SWAP70: variants seen among roughly 807,000 people sequenced by gnomAD.
The protein encoded by SWAP70 is switch-associated protein 70.
SWAP70 carries 34 observed loss-of-function variants against 80.2 expected under a neutral mutation model. The ratio of observed to expected loss-of-function variants is 0.42; its 90% CI spans 0.32 to 0.56. The LOEUF (loss-of-function observed/expected upper bound fraction) is 0.56. SWAP70 is among the 20% of genes least tolerant of loss of function. The pLI, the probability that SWAP70 is intolerant of heterozygous loss-of-function variation, is 0.09. For missense variants in SWAP70, 578 were observed against 690.7 expected (o/e 0.84, Z 1.83); for synonymous variants, 239 against 238.5 (o/e 1.00, Z -0.02).
chr11:9,670,625 A>G (rs1387802567), intron 1 of SWAP70, among the ~76,000 whole-genome samples: 1 of 152,146 alleles, frequency 6.6e-6, no homozygotes, highest in Non-Finnish European at 1.5e-5. Context: ...GAGGAACAAG[A>G]AAAGCAGAGG....
intron 2 of SWAP70, among the ~76,000 whole-genome samples, chr11:9,708,221 G>A (rs115796826): frequency 0.014 from 2,194 of 152,286 alleles, 50 homozygotes; most frequent in African/African-American, 0.05. Flanking sequence ...CTTCCACACT[G>A]TTTTCCATAG....
intron 7 of SWAP70, among the ~76,000 whole-genome samples, chr11:9,736,334 T>G (rs2133813231): frequency 6.6e-6 from 1 of 152,116 alleles, no homozygotes; most frequent in East Asian, 1.9e-4. Flanking sequence ...CTTCATATGC[T>G]AAATCCACCA....
At chr11:9,712,035 T>C (rs2134473681) in intron 2 of SWAP70, among the ~76,000 whole-genome samples, 1 of 152,298 alleles carries the variant, frequency 6.6e-6, no homozygotes, top group Non-Finnish European at 1.5e-5. Context: ...TCTGTTTGAC[T>C]CTTGATGCTG....
At chr11:9,728,285 C>G in intron 5 of SWAP70, 86 bp downstream of exon 5, 1 of 1,276,082 alleles carries the variant, frequency 7.8e-7, no homozygotes, top group Non-Finnish European at 1.0e-6. Context: ...CACCTAGACT[C>G]TAGAACCTTA....
At chr11:9,685,875 A>G (rs976270022) in intron 1 of SWAP70, among the ~76,000 whole-genome samples, 2 of 151,682 alleles carry the variant, frequency 1.3e-5, no homozygotes, top group Non-Finnish European at 2.9e-5. Flanking sequence ...CTCGTGATCT[A>G]CCTTCCTTGG....
intron 5 of SWAP70, 32 bp downstream of exon 5, chr11:9,728,231 C>T (rs1851251801): frequency 6.5e-7 from 1 of 1,540,046 alleles, no homozygotes; most frequent in Non-Finnish European, 8.7e-7. Flanking sequence ...TGCATGATTA[C>T]CCCGTGCTGC....
At chr11:9,735,704 G>A (rs1851354858) in intron 7 of SWAP70, among the ~76,000 whole-genome samples, 3 of 152,218 alleles carry the variant, frequency 2.0e-5, no homozygotes, top group Admixed American at 2.0e-4. Flanking sequence ...ATATCTTGGT[G>A]AGAACTAGTC....
At chr11:9,715,943 C>G (rs1011455286) in intron 3 of SWAP70, among the ~76,000 whole-genome samples, 1 of 152,162 alleles carries the variant, frequency 6.6e-6, no homozygotes, top group Admixed American at 6.5e-5. Flanking sequence ...TTGGCATGGC[C>G]TAGGTCAGGC....
At chr11:9,704,561 A>G (rs1362314850) in intron 2 of SWAP70, among the ~76,000 whole-genome samples, 1 of 151,646 alleles carries the variant, frequency 6.6e-6, no homozygotes, top group Non-Finnish European at 1.5e-5. Context: ...CGCCTGGGTA[A>G]TTTGTATTTT....
chr11:9,740,398 TAC>T (rs1851420656), intron 9 of SWAP70, 51 bp downstream of exon 9: 1 of 1,582,396 alleles, frequency 6.3e-7, no homozygotes, highest in Non-Finnish European at 8.7e-7. Flanking sequence ...CCTGGGCTAA[TAC>T]AGTTTCTTGG....
At chr11:9,678,966 C>G (rs1565113053) in intron 1 of SWAP70, among the ~76,000 whole-genome samples, 1 of 152,132 alleles carries the variant, frequency 6.6e-6, no homozygotes, top group Non-Finnish European at 1.5e-5. Flanking sequence ...TCCTGCTCTA[C>G]TTTCTGCTTC....
intron 2 of SWAP70, among the ~76,000 whole-genome samples, chr11:9,712,586 G>A (rs1289245605): frequency 6.6e-6 from 1 of 152,088 alleles, no homozygotes; most frequent in East Asian, 1.9e-4. Flanking sequence ...AATAGGCCAG[G>A]CACAGTGGCT....
At position 9,732,597 on chromosome 11, in the gene SWAP70, C is replaced by T. The variant is rs1430912409; in HGVS notation, c.967C>T (p.Arg323Trp). The change falls in exon 7 of 12, where the codon CGG becomes TGG. Residue 323 changes from arginine to tryptophan, a missense_variant. By Grantham distance (101) the Arg-to-Trp change is moderately radical. Transcript: ENST00000318950. ...PPPHKEARQR[R>W]KELRKKQLAE... ...ACCACACAAAGAAGCCCGCCAGCGT[C>T]GGAAAGAACTCCGGAAGAAGCAGCT... The T allele has an allele frequency of 9.4e-6, 15 of 1,602,100 alleles. No individual in the cohort carries two copies. The highest frequency in any genetic ancestry group is 5.1e-5 in the Admixed American group (3 of 58,988).
intron 1 of SWAP70, among the ~76,000 whole-genome samples, chr11:9,671,552 A>ATATATAAATATATT (rs1565109504): frequency 1.5e-5 from 1 of 65,128 alleles, no homozygotes; most frequent in Non-Finnish European, 3.1e-5. Context: ...ATATATAGAA[A>ATATATAAATATATT]TATATATAAA....
At chr11:9,672,530 A>ATTTTT (rs58704706) in intron 1 of SWAP70, among the ~76,000 whole-genome samples, 183 of 88,390 alleles carry the variant, frequency 2.1e-3, no homozygotes, top group African/African-American at 3.0e-3. Flanking sequence ...CACCTGGCTA[A>ATTTTT]TTTTTTTTTT....
At chr11:9,719,106 A>G (rs1851102959) in intron 3 of SWAP70, among the ~76,000 whole-genome samples, 1 of 151,344 alleles carries the variant, frequency 6.6e-6, no homozygotes, top group African/African-American at 2.4e-5. Flanking sequence ...AAAAAAAAAA[A>G]AAAAGATATA....
intron 9 of SWAP70, chr11:9,740,936 G>A (rs2133816361): frequency 6.4e-6 from 1 of 155,528 alleles, no homozygotes; most frequent in South Asian, 2.0e-4. Flanking sequence ...CTTCATGGCA[G>A]CAGGGAGGAC....
At position 9,732,673 on chromosome 11, in the gene SWAP70, A is replaced by G. The variant is rs753035074; in HGVS notation, c.1043A>G (p.Asn348Ser). 17 of 1,562,560 alleles carry G rather than the reference A, an allele frequency of 1.1e-5. No individual in the cohort carries two copies. The highest frequency in any genetic ancestry group is 2.7e-5 in the African/African-American group (2 of 73,228). Residue 348 changes from asparagine to serine, a missense_variant, in exon 7 of 12, where the codon AAC becomes AGC. Coordinates refer to ENST00000318950, the MANE Select transcript of SWAP70 (RefSeq NM_015055.4). ...ERQMKELQAA[N>S]ESKQQELEAV... ...CAAATGAAGGAACTCCAGGCCGCCA[A>G]CGAAAGCAAGCAGCAGGAGCTGGAG...
chr11:9,678,832 C>G (rs1850533410), intron 1 of SWAP70, among the ~76,000 whole-genome samples: 1 of 152,100 alleles, frequency 6.6e-6, no homozygotes, highest in Admixed American at 6.6e-5. Context: ...CATTAGCACT[C>G]TCACTCGCTT....
Sources: allele counts gnomAD v4.1 joint callset (sites outside exome capture counted in the v4.1 genomes callset), GRCh38; gene constraint gnomAD v4.1.1; transcripts MANE v1.5; gene names NCBI Gene and HGNC (gene_info 2026-07-23, HGNC 2026-07-21).